PCDHGB3: variants seen among roughly 807,000 people sequenced by gnomAD.
PCDHGB3 encodes the protein protocadherin gamma-B3.
Under a neutral mutation model 59.2 loss-of-function variants are expected in PCDHGB3, and 40 were observed. The ratio of observed to expected loss-of-function variants is 0.68; its 90% CI spans 0.52 to 0.88. PCDHGB3 has a LOEUF of 0.88. Among genes scored for constraint, PCDHGB3 ranks in the 40% least tolerant of loss-of-function variants. The pLI is 0.00. For missense variants in PCDHGB3, 1,309 were observed against 1,187.9 expected (o/e 1.10, Z -1.50); for synonymous variants, 581 against 503.6 (o/e 1.15, Z -2.06).
At chr5:141,380,251 G>C (rs1158039296) in intron 1 of PCDHGB3, among the ~76,000 whole-genome samples, 1 of 152,122 alleles carries the variant, frequency 6.6e-6, no homozygotes, top group Non-Finnish European at 1.5e-5. Context: ...AATTGTCAAA[G>C]GGGAAGGAGT....
intron 1 of PCDHGB3, among the ~76,000 whole-genome samples, chr5:141,382,009 A>G (rs1219907347): frequency 6.6e-6 from 1 of 151,376 alleles, no homozygotes; most frequent in African/African-American, 2.4e-5. Flanking sequence ...TTGTATTTTT[A>G]GTAGAGACGG....
At chr5:141,446,860 G>A (rs969206755) in intron 1 of PCDHGB3, among the ~76,000 whole-genome samples, 17 of 152,162 alleles carry the variant, frequency 1.1e-4, no homozygotes, top group African/African-American at 3.9e-4. Flanking sequence ...CTTCCTGATA[G>A]CTCTACACTG....
At position 141,432,370 on chromosome 5, in the gene PCDHGB3, C is replaced by A. The variant is rs1362496624; in HGVS notation, c.2415+59561C>A. On this transcript the variant is annotated intron_variant, in intron 1 of 3. Transcript: ENST00000576222. The surrounding 1 kb of genome is among the most constrained non-coding windows in gnomAD (Gnocchi z 6.0). Reference sequence around the variant, plus strand: ...AAGTGAAAGTGATGGCGCGGGACAACGGGCACCCGCCCCTCAGCAGCAACG... The same window carrying A: ...AAGTGAAAGTGATGGCGCGGGACAAAGGGCACCCGCCCCTCAGCAGCAACG... The A allele has an allele frequency of 6.2e-7, 1 of 1,614,240 alleles. No homozygotes were observed. The highest frequency in any genetic ancestry group is 8.5e-7 in the Non-Finnish European group (1 of 1,180,048).
chr5:141,399,602 T>G, intron 1 of PCDHGB3: 1 of 1,613,956 alleles, frequency 6.2e-7, no homozygotes, highest in South Asian at 1.1e-5. Context: ...GCCAGCGACC[T>G]AGAGCCTCTG....
intron 1 of PCDHGB3, chr5:141,390,312 C>A: frequency 1.2e-6 from 2 of 1,612,028 alleles, no homozygotes; most frequent in South Asian, 2.2e-5. Flanking sequence ...ATTTAATGCT[C>A]ATTGCCTACC....
chr5:141,485,060 G>C lies in PCDHGB3; in HGVS notation c.2416-9747G>C. ...ACCCTTGCGGCGCCGGCCGAACCGCGCCAGAGCTGGCGCGGGGAAAGGGAG... is the reference window on the plus strand; with the variant it reads ...ACCCTTGCGGCGCCGGCCGAACCGCCCCAGAGCTGGCGCGGGGAAAGGGAG... On this transcript the variant is annotated intron_variant, in intron 1 of 3. Transcript: ENST00000576222. This position sits in a 1 kb window ranked among gnomAD's most constrained non-coding sequence, Gnocchi z 5.7. 1 of 862,304 alleles carries C rather than the reference G, an allele frequency of 1.2e-6. No individual in the cohort carries two copies. The highest frequency in any genetic ancestry group is 1.9e-6 in the Non-Finnish European group (1 of 540,422). 53.4% of individuals were successfully genotyped at this position (862,304 alleles called of 1,614,324 possible).
chr5:141,485,745 T>C lies in PCDHGB3; in HGVS notation c.2416-9062T>C. 3 of 1,614,146 alleles carry C rather than the reference T, an allele frequency of 1.9e-6. No individual in the cohort carries two copies. Among genetic ancestry groups the C allele is most frequent in the Non-Finnish European group, 2.5e-6 (3 of 1,179,986 alleles). ...AAGAAGCGCAGCGACGGCAGCCTGGTCCCAGAGCTGCTCCTGGAGAAGCCT... is the reference window on the plus strand; with the variant it reads ...AAGAAGCGCAGCGACGGCAGCCTGGCCCCAGAGCTGCTCCTGGAGAAGCCT... On this transcript the variant is annotated intron_variant, in intron 1 of 3. Transcript: ENST00000576222. This position sits in a 1 kb window ranked among gnomAD's most constrained non-coding sequence, Gnocchi z 5.7.
chr5:141,403,054 A>G, intron 1 of PCDHGB3: 6 of 1,614,062 alleles, frequency 3.7e-6, no homozygotes, highest in Non-Finnish European at 5.1e-6. Flanking sequence ...TTCGCTACTC[A>G]GTGCCTGAAG....
intron 1 of PCDHGB3, chr5:141,410,302 A>C: frequency 1.2e-6 from 2 of 1,613,356 alleles, no homozygotes; most frequent in Non-Finnish European, 1.7e-6. Flanking sequence ...CCTTAATCTC[A>C]GTGCTCTTCC....
intron 1 of PCDHGB3, chr5:141,478,520 G>C (rs1474701976): frequency 1.2e-6 from 2 of 1,610,510 alleles, no homozygotes; most frequent in East Asian, 4.5e-5. Context: ...GCAGGTGTTG[G>C]GTGCAGAGAG....
intron 1 of PCDHGB3, chr5:141,414,124 G>T (rs1214312992): frequency 6.3e-7 from 1 of 1,592,872 alleles, no homozygotes; most frequent in East Asian, 2.3e-5. Flanking sequence ...TGAAGAAACC[G>T]GTTTCTATGA....
rs1260981096 is a variant in PCDHGB3 at position 141,374,541 on chromosome 5, C to T, written c.2415+1732C>T. On this transcript the variant is annotated intron_variant, in intron 1 of 3. Coordinates refer to ENST00000576222, the MANE Select transcript of PCDHGB3 (RefSeq NM_018924.5). Reference sequence around the variant, plus strand: ...AACGCAGCTCCATCCTCTCGTTTTCCACTAATGGAGGTCTATGACCCTGAT... The same window carrying T: ...AACGCAGCTCCATCCTCTCGTTTTCTACTAATGGAGGTCTATGACCCTGAT... 6.8e-6 allele frequency: 11 copies of T among 1,613,170 alleles called. No individual in the cohort carries two copies. Among genetic ancestry groups the T allele is most frequent in the Non-Finnish European group, 9.3e-6 (11 of 1,179,374 alleles).
intron 1 of PCDHGB3, chr5:141,427,891 G>A (rs767506033): frequency 1.3e-6 from 2 of 1,566,658 alleles, no homozygotes; most frequent in South Asian, 2.2e-5. Context: ...CACGACCAGG[G>A]CTCGCCCGCG....
chr5:141,424,655 TTTAA>T (rs1162406206), intron 1 of PCDHGB3: 3 of 152,238 alleles, frequency 2.0e-5, no homozygotes, highest in Non-Finnish European at 4.4e-5. Flanking sequence ...GTATTTGGAC[TTTAA>T]TTAAACTGAT....
intron 1 of PCDHGB3, chr5:141,399,919 G>A: frequency 6.2e-7 from 1 of 1,612,300 alleles, no homozygotes; most frequent in Non-Finnish European, 8.5e-7. Flanking sequence ...AGGACACAAC[G>A]CCTGGCTGTC....
chr5:141,464,263 TAAA>T (rs35224477), intron 1 of PCDHGB3, among the ~76,000 whole-genome samples: 2 of 103,604 alleles, frequency 1.9e-5, no homozygotes, highest in Non-Finnish European at 1.9e-5. Flanking sequence ...AGACTCCGTC[TAAA>T]AAAAAAAAAA....
At chr5:141,404,108 A>G (rs537875169) in intron 1 of PCDHGB3, 22 of 1,613,436 alleles carry the variant, frequency 1.4e-5, no homozygotes, top group South Asian at 6.6e-5. Context: ...TGTCTGTTCT[A>G]TCCAGGAGAA....
intron 1 of PCDHGB3, among the ~76,000 whole-genome samples, chr5:141,407,092 T>C (rs917246877): frequency 1.3e-5 from 2 of 152,360 alleles, no homozygotes; most frequent in Admixed American, 6.5e-5. Context: ...AGAATTGTTT[T>C]ATTTGTTTGT....
In PCDHGB3 at chr5:141,371,540, C is replaced by T. The variant is rs773129811; in HGVS notation, c.1146C>T (p.Ile382=). ...HDLDSGFNGE[I]LCQLKGNFPF... The stretch of plus-strand genomic sequence containing the variant: ...TAGATTCTGGATTTAATGGAGAAAT[C>T]CTATGCCAACTAAAAGGAAACTTCC... The change falls in exon 1 of 4, where the codon ATC becomes ATT. Residue 382 remains isoleucine (I), a synonymous_variant. Transcript: ENST00000576222. 6.2e-7 allele frequency: 1 copy of T among 1,613,730 alleles called. No homozygotes were observed. Among genetic ancestry groups the T allele is most frequent in the East Asian group, 2.2e-5 (1 of 44,882 alleles).
Sources: gnomAD v4.1 joint callset for allele counts (sites outside exome capture counted in the v4.1 genomes callset) on GRCh38, gnomAD v4.1.1 for gene constraint, Gnocchi (gnomAD v3.1) non-coding constraint, MANE v1.5 for transcripts, NCBI Gene and HGNC (gene_info 2026-07-23, HGNC 2026-07-21) for gene names.